The following SGK1 variants were observed in gnomAD, a reference collection of about 807,000 sequenced individuals.
SGK1 encodes the protein serum/glucocorticoid regulated kinase 1.
Under a neutral mutation model 64.2 loss-of-function variants are expected in SGK1, and 26 were observed. The observed-to-expected ratio is 0.40, with a 90% CI of 0.30 to 0.56. The LOEUF (loss-of-function observed/expected upper bound fraction) is 0.56, where lower values mean the gene tolerates loss of function less well. Among genes scored for constraint, SGK1 ranks in the 20% least tolerant of loss-of-function variants. The probability of loss-of-function intolerance (pLI) is 0.38; values close to 1 mark genes in which losing one functional copy is unlikely to be tolerated. For synonymous variants in SGK1, 265 were observed against 239.7 expected (o/e 1.11, Z -0.98); for missense variants, 519 against 645.6 (o/e 0.80, Z 2.12).
intron 4 of SGK1, 163 bp from the exon 5 acceptor site, chr6:134,174,243 A>G: frequency 1.6e-6 from 1 of 612,972 alleles, no homozygotes; most frequent in Non-Finnish European, 2.9e-6. Flanking sequence ...AATAAACCCC[A>G]TTAAATACAG....
intron 2 of SGK1, chr6:134,215,034 G>A (rs1237364742): frequency 2.2e-6 from 1 of 454,410 alleles, no homozygotes; most frequent in South Asian, 1.6e-5. Context: ...CAGAAGATGG[G>A]GGTGTATGAG....
chr6:134,271,826 T>C (rs1021510859), intron 1 of SGK1, among the ~76,000 whole-genome samples: 1 of 147,736 alleles, frequency 6.8e-6, no homozygotes, highest in Non-Finnish European at 1.5e-5. Flanking sequence ...ATGTAAGTTC[T>C]CATTCCAGTG....
At chr6:134,287,559 T>C (rs1410134537) in intron 1 of SGK1, among the ~76,000 whole-genome samples, 2 of 151,410 alleles carry the variant, frequency 1.3e-5, no homozygotes, top group Admixed American at 1.3e-4. Context: ...TGGATTGTAT[T>C]TATTTTTTAT....
At chr6:134,219,219 C>T (rs1350754147) in intron 2 of SGK1, among the ~76,000 whole-genome samples, 1 of 151,908 alleles carries the variant, frequency 6.6e-6, no homozygotes, top group Non-Finnish European at 1.5e-5. Flanking sequence ...ATCATGTTGG[C>T]CAGGCTGGTC....
chr6:134,261,313 C>T (rs1449235937), intron 2 of SGK1: 1 of 154,872 alleles, frequency 6.5e-6, no homozygotes, highest in African/African-American at 2.4e-5. Flanking sequence ...GACTTGATCT[C>T]CTGTGTGATC....
At chr6:134,254,382 T>C (rs929957921) in intron 2 of SGK1, among the ~76,000 whole-genome samples, 1 of 152,144 alleles carries the variant, frequency 6.6e-6, no homozygotes, top group Admixed American at 6.6e-5. Flanking sequence ...TTTTCCATTT[T>C]CCTCCAAGTG....
intron 2 of SGK1, among the ~76,000 whole-genome samples, chr6:134,220,504 C>T (rs570307949): frequency 6.6e-6 from 1 of 152,154 alleles, no homozygotes; most frequent in African/African-American, 2.4e-5. Flanking sequence ...AGCATGAGCT[C>T]TGGTGTCAGA....
intron 3 of SGK1, chr6:134,175,741 C>T: frequency 7.4e-7 from 1 of 1,360,540 alleles, no homozygotes; most frequent in South Asian, 1.6e-5. Flanking sequence ...CGCCGTGACT[C>T]AGGCCGGGCA....
At chr6:134,204,214 T>G (rs1249782488) in intron 3 of SGK1, among the ~76,000 whole-genome samples, 2 of 142,760 alleles carry the variant, frequency 1.4e-5, no homozygotes, top group African/African-American at 5.2e-5. Flanking sequence ...ACTGACCAAC[T>G]AGGCAAAAAA....
chr6:134,206,346 TATATATATATATATATATATATATATA>T (rs1775770182), intron 3 of SGK1, among the ~76,000 whole-genome samples: 1 of 11,286 alleles, frequency 8.9e-5, no homozygotes, highest in South Asian at 4.3e-3. Flanking sequence ...ATGATATATA[TATATATATATATATATATATATATATA>T]TATATATATA....
intron 1 of SGK1, among the ~76,000 whole-genome samples, chr6:134,285,532 A>T (rs1413752518): frequency 4.3e-5 from 6 of 139,516 alleles, no homozygotes; most frequent in Admixed American, 1.5e-4. Context: ...ACCAGCATCA[A>T]TTTTTTTTTT....
intron 1 of SGK1, among the ~76,000 whole-genome samples, chr6:134,273,641 A>G (rs999308950): frequency 1.4e-5 from 2 of 143,366 alleles, no homozygotes; most frequent in Non-Finnish European, 3.0e-5. Flanking sequence ...AAAGGAAGCC[A>G]GGTGAAGAGA....
At chr6:134,237,731 C>T (rs1452334769) in intron 2 of SGK1, among the ~76,000 whole-genome samples, 1 of 152,140 alleles carries the variant, frequency 6.6e-6, no homozygotes, top group East Asian at 1.9e-4. Flanking sequence ...CAGTTACATA[C>T]AGTTTTTTAG....
intron 2 of SGK1, chr6:134,257,093 T>G (rs1776695811): frequency 1.3e-5 from 2 of 152,462 alleles, no homozygotes; most frequent in African/African-American, 4.8e-5. Context: ...GGATCGGACC[T>G]GGCTGGTACT....
At chr6:134,283,871 AC>A (rs1315279881) in intron 1 of SGK1, among the ~76,000 whole-genome samples, 1 of 71,460 alleles carries the variant, frequency 1.4e-5, no homozygotes, top group Non-Finnish European at 2.4e-5. Flanking sequence ...CCCTGCCACC[AC>A]CAAAAAAAAA....
intron 1 of SGK1, among the ~76,000 whole-genome samples, chr6:134,294,698 C>A (rs1466292912): frequency 3.3e-5 from 5 of 152,076 alleles, no homozygotes; most frequent in Non-Finnish European, 1.5e-5. Flanking sequence ...CCCCCCCAAC[C>A]AGCTAATTTT....
intron 1 of SGK1, among the ~76,000 whole-genome samples, chr6:134,301,725 G>T (rs1050889917): frequency 6.6e-6 from 1 of 151,976 alleles, no homozygotes; most frequent in African/African-American, 2.4e-5. Context: ...CGAGTAACTG[G>T]GAATACAGGC....
intron 11 of SGK1, 196 bp downstream of exon 11, chr6:134,171,441 A>G (rs1775023035): frequency 1.6e-6 from 1 of 611,076 alleles, no homozygotes; most frequent in African/African-American, 1.9e-5. Context: ...ATGTGGTCCT[A>G]TCTAGTAAAA....
At chr6:134,301,694 G>A (rs985551163) in intron 1 of SGK1, among the ~76,000 whole-genome samples, 2 of 151,892 alleles carry the variant, frequency 1.3e-5, no homozygotes, top group African/African-American at 2.4e-5. Flanking sequence ...GGGCTCAAGC[G>A]ATCTTCCCAC....
Sources: allele counts gnomAD v4.1 joint callset (sites outside exome capture counted in the v4.1 genomes callset), GRCh38; gene constraint gnomAD v4.1.1; transcripts MANE v1.5; gene names NCBI Gene and HGNC (gene_info 2026-07-23, HGNC 2026-07-21).